Variants in FOLH1 observed in about 807,000 individuals in gnomAD.
FOLH1 encodes the protein folate hydrolase 1.
Under a neutral mutation model 93.9 loss-of-function variants are expected in FOLH1, and 54 were observed. That is an observed-to-expected ratio of 0.57 (90% CI 0.46 to 0.72). The LOEUF is 0.72. Ranked by LOEUF, FOLH1 falls within the 30% of genes least tolerant of loss-of-function variation. The pLI is 0.00. For missense variants in FOLH1, 571 were observed against 892.5 expected, an observed-to-expected ratio of 0.64 and a Z score of 4.59; for synonymous variants, 249 against 303.6, an observed-to-expected ratio of 0.82 and a Z score of 1.87.
chr11:49,198,058 A>T (rs1244557714), intron 3 of FOLH1, among the ~76,000 whole-genome samples: 5 of 152,260 alleles, frequency 3.3e-5, no homozygotes, highest in African/African-American at 1.2e-4. Flanking sequence ...CTTTTACATG[A>T]TTCATTTTGT....
chr11:49,150,436 G>T (rs1856375417), intron 17 of FOLH1, among the ~76,000 whole-genome samples: 1 of 151,978 alleles, frequency 6.6e-6, no homozygotes, highest in Non-Finnish European at 1.5e-5. Flanking sequence ...TACAAATATA[G>T]GCAAGATTTT....
At chr11:49,167,549 T>C (rs899419734) in intron 12 of FOLH1, among the ~76,000 whole-genome samples, 6 of 152,188 alleles carry the variant, frequency 3.9e-5, no homozygotes, top group Admixed American at 2.6e-4. Context: ...GAGCTGTGGC[T>C]CAGACCCGTA....
chr11:49,198,414 G>A (rs1171070097), intron 3 of FOLH1, among the ~76,000 whole-genome samples: 4 of 151,556 alleles, frequency 2.6e-5, no homozygotes, highest in African/African-American at 4.9e-5. Context: ...CCCGGGAGGC[G>A]GAGCTTGCAG....
chr11:49,164,206 T>C (rs1565150449), intron 13 of FOLH1, among the ~76,000 whole-genome samples: 1 of 152,198 alleles, frequency 6.6e-6, no homozygotes, highest in Non-Finnish European at 1.5e-5. Flanking sequence ...AATCCCTATC[T>C]GAAAAAATGT....
intron 15 of FOLH1, among the ~76,000 whole-genome samples, chr11:49,154,703 A>G (rs567845304): frequency 3.3e-4 from 50 of 152,212 alleles, no homozygotes; most frequent in African/African-American, 1.2e-3. Flanking sequence ...ATATGATATA[A>G]CAAATATTAT....
At chr11:49,151,416 A>G (rs1422517708) in intron 17 of FOLH1, among the ~76,000 whole-genome samples, 1 of 143,262 alleles carries the variant, frequency 7.0e-6, no homozygotes, top group Non-Finnish European at 1.5e-5. Flanking sequence ...GCGTGCGTGC[A>G]CACACACACA....
intron 5 of FOLH1, 38 bp downstream of exon 5, chr11:49,186,606 A>G (rs1861411775): frequency 6.3e-7 from 1 of 1,588,682 alleles, no homozygotes; most frequent in Admixed American, 1.8e-5. Context: ...AACTTTTTAC[A>G]TTGGGGGAGA....
intron 10 of FOLH1, among the ~76,000 whole-genome samples, chr11:49,172,796 G>A (rs1317660861): frequency 2.6e-5 from 4 of 152,170 alleles, no homozygotes; most frequent in Non-Finnish European, 5.9e-5. Flanking sequence ...TTCATATGAA[G>A]ATTCTAAAAT....
intron 1 of FOLH1, chr11:49,206,968 C>T (rs1245610327): frequency 1.7e-6 from 1 of 586,854 alleles, no homozygotes; most frequent in African/African-American, 1.9e-5. Context: ...AACCAGCTTT[C>T]ATGGAGCTTT....
intron 17 of FOLH1, among the ~76,000 whole-genome samples, chr11:49,149,448 G>A (rs1856213609): frequency 6.6e-6 from 1 of 152,048 alleles, no homozygotes; most frequent in Non-Finnish European, 1.5e-5. Flanking sequence ...CTTACCACAT[G>A]CTTAATCCCC....
chr11:49,170,720 T>C (rs1332808304), intron 11 of FOLH1, among the ~76,000 whole-genome samples: 1 of 152,200 alleles, frequency 6.6e-6, no homozygotes, highest in African/African-American at 2.4e-5. Flanking sequence ...ACAATTTAAC[T>C]TCATATTTTT....
At chr11:49,201,372 A>G (rs187679512) in intron 2 of FOLH1, among the ~76,000 whole-genome samples, 1 of 150,878 alleles carries the variant, frequency 6.6e-6, no homozygotes, top group Admixed American at 6.6e-5. Context: ...ATTTAAAAAA[A>G]CTAATAACCA....
At chr11:49,156,497 G>C (rs1228737158) in intron 15 of FOLH1, among the ~76,000 whole-genome samples, 7 of 152,004 alleles carry the variant, frequency 4.6e-5, no homozygotes, top group Non-Finnish European at 1.0e-4. Context: ...CACATTTGCA[G>C]ACATGAGTAT....
intron 3 of FOLH1, among the ~76,000 whole-genome samples, chr11:49,199,352 C>T (rs2634255): frequency 6.6e-6 from 1 of 152,154 alleles, no homozygotes; most frequent in African/African-American, 2.4e-5. Context: ...AATTTATCTG[C>T]ATTGTCTTCT....
At chr11:49,187,383 C>A (rs149894) in intron 4 of FOLH1, among the ~76,000 whole-genome samples, 150,898 of 152,190 alleles carry the variant, frequency 0.99, 74,829 homozygotes, top group East Asian at 1. Flanking sequence ...TTGACAATGT[C>A]CCCCTTCATC....
chr11:49,206,678 G>A, intron 1 of FOLH1: 1 of 1,133,178 alleles, frequency 8.8e-7, no homozygotes, highest in East Asian at 2.6e-5. Context: ...AATTTGCTCT[G>A]ATTCTGAAAC....
At chr11:49,164,401 G>A (rs574476377) in intron 13 of FOLH1, among the ~76,000 whole-genome samples, 3 of 152,190 alleles carry the variant, frequency 2.0e-5, no homozygotes, top group African/African-American at 7.2e-5. Flanking sequence ...GTCTTGGTTC[G>A]GCTACCGTAC....
chr11:49,161,968 T>C (rs1279203172), intron 13 of FOLH1, among the ~76,000 whole-genome samples: 1 of 152,236 alleles, frequency 6.6e-6, no homozygotes, highest in African/African-American at 2.4e-5. Flanking sequence ...CTCTTCTGGC[T>C]TGCAGGGTTT....
At chr11:49,173,622 T>A (rs1859644481) in intron 9 of FOLH1, 146 bp from the exon 10 acceptor site, 1 of 835,444 alleles carries the variant, frequency 1.2e-6, no homozygotes, top group Non-Finnish European at 1.7e-6. Flanking sequence ...GAAAATATGT[T>A]ATTTCTGATT....
Sources: gnomAD v4.1 joint callset for allele counts (sites outside exome capture counted in the v4.1 genomes callset) on GRCh38, gnomAD v4.1.1 for gene constraint, MANE v1.5 for transcripts, NCBI Gene and HGNC (gene_info 2026-07-23, HGNC 2026-07-21) for gene names.